HSD17B12: variants seen among roughly 807,000 people sequenced by gnomAD.
The protein encoded by HSD17B12 is very-long-chain 3-oxoacyl-CoA reductase.
Under a neutral mutation model 39.3 loss-of-function variants are expected in HSD17B12, and 32 were observed. The observed-to-expected ratio is 0.81, with a 90% CI of 0.61 to 1.09. The LOEUF (loss-of-function observed/expected upper bound fraction) is 1.09. Ranked by LOEUF, HSD17B12 falls within the 50% of genes least tolerant of loss-of-function variation. The pLI is 0.00. For synonymous variants in HSD17B12, 150 were observed against 146.7 expected (o/e 1.02, Z -0.16); for missense variants, 342 against 382.9 (o/e 0.89, Z 0.89).
intron 1 of HSD17B12, among the ~76,000 whole-genome samples, chr11:43,685,645 T>A (rs913475391): frequency 6.6e-6 from 1 of 152,208 alleles, no homozygotes; most frequent in Non-Finnish European, 1.5e-5. Flanking sequence ...TTATCTATGG[T>A]TTCATAGCTA....
intron 1 of HSD17B12, among the ~76,000 whole-genome samples, chr11:43,684,223 CTTCT>C (rs1438947900): frequency 6.6e-6 from 1 of 152,174 alleles, no homozygotes; most frequent in Non-Finnish European, 1.5e-5. Flanking sequence ...GTAAGTAAGA[CTTCT>C]TTGTCATTGT....
chr11:43,781,408 GGTCT>G (rs1258898636), intron 3 of HSD17B12, among the ~76,000 whole-genome samples: 2 of 152,030 alleles, frequency 1.3e-5, no homozygotes, highest in African/African-American at 4.8e-5. Flanking sequence ...GAGAAAGTCT[GGTCT>G]GTCTTTTGTT....
chr11:43,737,625 C>G (rs1227592836), intron 1 of HSD17B12, among the ~76,000 whole-genome samples: 1 of 152,196 alleles, frequency 6.6e-6, no homozygotes, highest in Non-Finnish European at 1.5e-5. Context: ...TGACCATCAT[C>G]TGTACTGTCC....
intron 1 of HSD17B12, among the ~76,000 whole-genome samples, chr11:43,685,819 T>C (rs897032601): frequency 1.3e-5 from 2 of 152,212 alleles, no homozygotes; most frequent in South Asian, 2.1e-4. Flanking sequence ...ACTTTCACTT[T>C]TTAAAATTTA....
chr11:43,628,883 C>T, the HSD17B12 span, among the ~76,000 whole-genome samples: 1 of 151,846 alleles, frequency 6.6e-6, no homozygotes, highest in Non-Finnish European at 1.5e-5. Context: ...TTGATTTTTG[C>T]AACAGCATTT....
chr11:43,627,236 AT>A, the HSD17B12 span, among the ~76,000 whole-genome samples: 12 of 150,856 alleles, frequency 8.0e-5, no homozygotes, highest in Admixed American at 1.3e-4. Flanking sequence ...TTAGTCCTTG[AT>A]TTTTTTTTAA....
chr11:43,679,693 T>C (rs1949722524), upstream of HSD17B12, among the ~76,000 whole-genome samples: 1 of 152,228 alleles, frequency 6.6e-6, no homozygotes, highest in Non-Finnish European at 1.5e-5. Context: ...CCAAAACTAA[T>C]TGTTCAGCAA....
intron 9 of HSD17B12, among the ~76,000 whole-genome samples, chr11:43,843,175 G>A (rs1433325072): frequency 6.6e-6 from 1 of 152,168 alleles, no homozygotes; most frequent in East Asian, 1.9e-4. Context: ...AAATGTTTGT[G>A]AGGGAAAGCA....
At chr11:43,780,445 G>A (rs1256094552) in intron 3 of HSD17B12, among the ~76,000 whole-genome samples, 1 of 152,170 alleles carries the variant, frequency 6.6e-6, no homozygotes, top group East Asian at 1.9e-4. Flanking sequence ...TGGGATTACA[G>A]GTGTGAGCCA....
chr11:43,654,240 T>C, the HSD17B12 span, among the ~76,000 whole-genome samples: 1 of 152,102 alleles, frequency 6.6e-6, no homozygotes, highest in East Asian at 1.9e-4. Flanking sequence ...TTTGATGGGG[T>C]TGTTTGCTTT....
intron 1 of HSD17B12, among the ~76,000 whole-genome samples, chr11:43,695,728 TG>T (rs1475490295): frequency 1.3e-5 from 2 of 152,084 alleles, no homozygotes; most frequent in Non-Finnish European, 2.9e-5. Flanking sequence ...AGGAGGAAAA[TG>T]GGCTTAGGTT....
intron 3 of HSD17B12, among the ~76,000 whole-genome samples, chr11:43,762,103 T>G (rs1469984312): frequency 6.6e-6 from 1 of 152,104 alleles, no homozygotes; most frequent in Non-Finnish European, 1.5e-5. Context: ...AGGAAAAACA[T>G]AGAATTCCAA....
the HSD17B12 span, among the ~76,000 whole-genome samples, chr11:43,649,639 C>G: frequency 4.3e-4 from 66 of 152,134 alleles, no homozygotes; most frequent in Non-Finnish European, 1.3e-4. Flanking sequence ...ACTGTGTCTC[C>G]CGGTTTTACA....
the HSD17B12 span, among the ~76,000 whole-genome samples, chr11:43,590,505 G>GTTTTTTTTTTTTTTTTTTTTT: frequency 1.0e-4 from 5 of 47,844 alleles, no homozygotes; most frequent in Non-Finnish European, 2.3e-4. Flanking sequence ...TGGAGTGAGT[G>GTTTTTTTTTTTTTTTTTTTTT]ATTTTTTTTT....
chr11:43,600,183 AT>A, the HSD17B12 span, among the ~76,000 whole-genome samples: 4 of 151,758 alleles, frequency 2.6e-5, no homozygotes, highest in Non-Finnish European at 5.9e-5. Flanking sequence ...TATTATTTCT[AT>A]TTTTATATGG....
chr11:43,839,442 T>C (rs765427121), intron 8 of HSD17B12, among the ~76,000 whole-genome samples: 19 of 152,176 alleles, frequency 1.2e-4, no homozygotes, highest in Non-Finnish European at 5.9e-5. Context: ...TAGTCTGAGG[T>C]TGCGTCCACA....
At chr11:43,637,519 C>T in the HSD17B12 span, among the ~76,000 whole-genome samples, 1 of 152,156 alleles carries the variant, frequency 6.6e-6, no homozygotes, top group Non-Finnish European at 1.5e-5. Context: ...CCGTGCCTGG[C>T]TGACACTATT....
rs1951572848 is a variant in HSD17B12 at position 43,855,311 on chromosome 11, A to C, written c.*63A>C. 2 of 915,934 alleles carry C rather than the reference A, an allele frequency of 2.2e-6. No individual in the cohort carries two copies. The highest frequency in any genetic ancestry group is 1.8e-5 in the South Asian group (1 of 56,168). 56.7% of individuals were successfully genotyped at this position (915,934 alleles called of 1,614,324 possible). A position where few individuals can be genotyped will look rare whatever the true frequency, so the allele number is the denominator to read the frequency against. On this transcript the variant is annotated 3_prime_UTR_variant, in exon 11 of 11. Transcript: ENST00000278353. Reference sequence around the variant, plus strand: ...AGCATATGCACGTTCACTGCAAAGCACCCTACTGGTTTTGAAAATCTGACC... The same window carrying C: ...AGCATATGCACGTTCACTGCAAAGCCCCCTACTGGTTTTGAAAATCTGACC...
chr11:43,751,803 G>T (rs143615945), intron 2 of HSD17B12, among the ~76,000 whole-genome samples: 1 of 152,232 alleles, frequency 6.6e-6, no homozygotes, highest in Admixed American at 6.5e-5. Context: ...TTGTAAGTTA[G>T]TTATAGACAT....
Sources: allele counts gnomAD v4.1 joint callset (sites outside exome capture counted in the v4.1 genomes callset), GRCh38; gene constraint gnomAD v4.1.1; transcripts MANE v1.5; gene names NCBI Gene and HGNC (gene_info 2026-07-23, HGNC 2026-07-21).